Variants in TMEM74 observed in about 807,000 individuals in gnomAD.
TMEM74 encodes the protein transmembrane protein 74.
In TMEM74, 13 loss-of-function variants were observed where a neutral mutation model predicts 18.1. That is an observed-to-expected ratio of 0.72 (90% CI 0.47 to 1.14). TMEM74 has a LOEUF of 1.14. Among genes scored for constraint, TMEM74 ranks in the 50% most tolerant of loss-of-function variants. The probability of loss-of-function intolerance (pLI) is 0.00; values close to 1 mark genes in which losing one functional copy is unlikely to be tolerated. For synonymous variants in TMEM74, 159 were observed against 146.6 expected (o/e 1.08, Z -0.61); for missense variants, 372 against 375.9 (o/e 0.99, Z 0.09).
In TMEM74 at chr8:108,692,694, A is replaced by G. The variant is rs534302188; in HGVS notation, n.120-37257T>C. Among the ~76,000 whole-genome samples, 4 of 152,306 alleles carry G rather than the reference A, an allele frequency of 2.6e-5. No individual in the cohort carries two copies. In the South Asian group the frequency reaches 8.3e-4, roughly 32 times the overall value. On this transcript the variant is annotated intron_variant and non_coding_transcript_variant, in intron 1 of 3. Transcript: ENST00000518838. Reference sequence around the variant, plus strand: ...CTTATAATTTGCCCCAGCCTGCAAAAAACCCCCAACCAATCAACAAAAACA... The same window carrying G: ...CTTATAATTTGCCCCAGCCTGCAAAGAACCCCCAACCAATCAACAAAAACA...
At chr8:108,696,411 G>C (rs1813282116) in intron 1 of TMEM74, among the ~76,000 whole-genome samples, 1 of 152,196 alleles carries the variant, frequency 6.6e-6, no homozygotes, top group Admixed American at 6.5e-5. Flanking sequence ...AAAGCACTTG[G>C]TCTGCATGTT....
chr8:108,694,880 A>AAAGAC (rs1345497892), intron 1 of TMEM74, among the ~76,000 whole-genome samples: 1 of 152,232 alleles, frequency 6.6e-6, no homozygotes, highest in Non-Finnish European at 1.5e-5. Context: ...TGGGCGAAGC[A>AAAGAC]AAGACAAACT....
chr8:108,655,462 AAAAG>A (rs1563741629), intron 1 of TMEM74: 1 of 152,148 alleles, frequency 6.6e-6, no homozygotes, highest in Non-Finnish European at 1.5e-5. Context: ...AATTAAAAAA[AAAAG>A]AAGAAAGTTA....
intron 1 of TMEM74, among the ~76,000 whole-genome samples, chr8:108,703,535 A>G (rs927590253): frequency 4.6e-5 from 7 of 152,218 alleles, no homozygotes; most frequent in African/African-American, 1.7e-4. Flanking sequence ...TAAAGATAAG[A>G]GAGCTACAGA....
chr8:108,671,860 A>C (rs1382300104), intron 1 of TMEM74, among the ~76,000 whole-genome samples: 38 of 152,290 alleles, frequency 2.5e-4, no homozygotes, highest in Non-Finnish European at 1.5e-5. Context: ...TAAAAGGTAA[A>C]GTGTTAAATG....
intron 1 of TMEM74, among the ~76,000 whole-genome samples, chr8:108,675,451 G>T (rs532980503): frequency 6.6e-6 from 1 of 152,278 alleles, no homozygotes; most frequent in East Asian, 1.9e-4. Flanking sequence ...CCTGCAAAAT[G>T]TAACAGGAAA....
rs546550292 is a variant in TMEM74, at chr8:108,780,657, C to G, written c.*3524G>C. Reference sequence around the variant, plus strand: ...GGGATGAACTCATATTTTAAGCAGACAGCAAAGCATGTGATGATATCAAGG... The same window carrying G: ...GGGATGAACTCATATTTTAAGCAGAGAGCAAAGCATGTGATGATATCAAGG... On this transcript the variant is annotated 3_prime_UTR_variant, in exon 2 of 2. Coordinates refer to ENST00000297459, the MANE Select transcript of TMEM74 (RefSeq NM_153015.3). Among the ~76,000 whole-genome samples, 2 of 152,208 alleles carry G rather than the reference C, an allele frequency of 1.3e-5. No homozygotes were observed. Among genetic ancestry groups the G allele is most frequent in the East Asian group, 3.9e-4 (2 of 5,174 alleles).
intron 1 of TMEM74, among the ~76,000 whole-genome samples, chr8:108,773,073 T>C (rs555212333): frequency 6.6e-6 from 1 of 152,212 alleles, no homozygotes; most frequent in South Asian, 2.1e-4. Flanking sequence ...GATTGAGAAT[T>C]GGGCAAATTT....
At chr8:108,743,016 C>A (rs1813817061) in intron 1 of TMEM74, among the ~76,000 whole-genome samples, 3 of 152,216 alleles carry the variant, frequency 2.0e-5, no homozygotes, top group Admixed American at 2.0e-4. Flanking sequence ...GCATTTCCTC[C>A]TTGCTTGTTG....
At chr8:108,756,804 GGA>G (rs1172138527) in intron 1 of TMEM74, among the ~76,000 whole-genome samples, 3 of 143,866 alleles carry the variant, frequency 2.1e-5, no homozygotes, top group South Asian at 4.5e-4. Context: ...AGGGGAGGAA[GGA>G]AGGAAGGAAG....
chr8:108,687,512 C>T (rs895639221), intron 1 of TMEM74, among the ~76,000 whole-genome samples: 2 of 152,128 alleles, frequency 1.3e-5, no homozygotes, highest in East Asian at 1.9e-4. Flanking sequence ...ACATTACGCT[C>T]GTTGTTCACT....
intron 1 of TMEM74, among the ~76,000 whole-genome samples, chr8:108,744,679 G>T (rs1034012356): frequency 6.6e-6 from 1 of 152,172 alleles, no homozygotes; most frequent in African/African-American, 2.4e-5. Flanking sequence ...TTTACACCTG[G>T]GAAGAAAAGC....
At chr8:108,716,745 C>G (rs144048459) in intron 1 of TMEM74, among the ~76,000 whole-genome samples, 1 of 150,508 alleles carries the variant, frequency 6.6e-6, no homozygotes, top group Non-Finnish European at 1.5e-5. Context: ...AAAACAGTAA[C>G]ATTGGTTTAA....
chr8:108,710,260 C>A (rs1813461565), intron 1 of TMEM74, among the ~76,000 whole-genome samples: 1 of 152,166 alleles, frequency 6.6e-6, no homozygotes, highest in Non-Finnish European at 1.5e-5. Context: ...TCTGCTTTAC[C>A]TTTCAATCAC....
At chr8:108,744,197 A>C (rs547870259) in intron 1 of TMEM74, among the ~76,000 whole-genome samples, 103 of 152,336 alleles carry the variant, frequency 6.8e-4, no homozygotes, top group Non-Finnish European at 1.2e-3. Flanking sequence ...ACGTCACTTC[A>C]GATTCAGATC....
At chr8:108,657,893 T>TTAATTAC (rs1812860655) in intron 1 of TMEM74, among the ~76,000 whole-genome samples, 1 of 108,650 alleles carries the variant, frequency 9.2e-6, no homozygotes, top group Non-Finnish European at 1.8e-5. Flanking sequence ...TATATATATA[T>TTAATTAC]ATATATATAT....
At chr8:108,705,641 C>A (rs1813389476) in intron 1 of TMEM74, among the ~76,000 whole-genome samples, 1 of 152,044 alleles carries the variant, frequency 6.6e-6, no homozygotes, top group African/African-American at 2.4e-5. Context: ...TGTAGATGCC[C>A]TGGCCAGAAA....
chr8:108,705,097 A>G (rs1487438786), intron 1 of TMEM74, among the ~76,000 whole-genome samples: 2 of 152,208 alleles, frequency 1.3e-5, no homozygotes, highest in African/African-American at 4.8e-5. Context: ...TACTTCTGTA[A>G]TTGATATTAA....
intron 2 of TMEM74, among the ~76,000 whole-genome samples, chr8:108,627,907 T>C (rs1474785383): frequency 1.3e-5 from 2 of 151,780 alleles, no homozygotes; most frequent in African/African-American, 4.8e-5. Flanking sequence ...ACAAAAACAT[T>C]AGCTGGGTAT....
Sources: gnomAD v4.1 joint callset for allele counts (sites outside exome capture counted in the v4.1 genomes callset) on GRCh38, gnomAD v4.1.1 for gene constraint, MANE v1.5 for transcripts, NCBI Gene and HGNC (gene_info 2026-07-23, HGNC 2026-07-21) for gene names.